INO80: variants seen among roughly 807,000 people sequenced by gnomAD.
INO80 encodes the protein INO80 complex ATPase subunit.
In INO80, 20 loss-of-function variants were observed where a neutral mutation model predicts 203.4. That is an observed-to-expected ratio of 0.10 (90% CI 0.07 to 0.14). INO80 has a LOEUF of 0.14. INO80 is among the 10% of genes least tolerant of loss of function. INO80 has a pLI of 1.00. For synonymous variants in INO80, 726 were observed against 685.2 expected, an observed-to-expected ratio of 1.06 and a Z score of -0.93; for missense variants, 1,419 against 1,914.4, an observed-to-expected ratio of 0.74 and a Z score of 4.83.
chr15:41,086,759 G>A (rs751136857), intron 6 of INO80, among the ~76,000 whole-genome samples: 1 of 152,074 alleles, frequency 6.6e-6, no homozygotes, highest in African/African-American at 2.4e-5. Context: ...GCTGCTGAGA[G>A]CTCAGTAAGA....
chr15:41,107,717 T>C (rs1279508508), intron 1 of INO80, among the ~76,000 whole-genome samples: 3 of 152,208 alleles, frequency 2.0e-5, no homozygotes, highest in East Asian at 1.9e-4. Flanking sequence ...GGAGAATTGC[T>C]TGAGCCTGGG....
At chr15:41,000,653 C>A (rs1297653093) in intron 28 of INO80, among the ~76,000 whole-genome samples, 2 of 137,032 alleles carry the variant, frequency 1.5e-5, no homozygotes, top group African/African-American at 5.5e-5. Flanking sequence ...TCTAATTGCT[C>A]TACTGTGTTC....
At chr15:41,045,530 C>T (rs764030806) in intron 23 of INO80, among the ~76,000 whole-genome samples, 3 of 145,022 alleles carry the variant, frequency 2.1e-5, no homozygotes, top group Non-Finnish European at 4.5e-5. Flanking sequence ...TGCAGTGAGC[C>T]GAGATTGCCC....
chr15:41,081,322 GT>G (rs1174174319), intron 7 of INO80, among the ~76,000 whole-genome samples: 10 of 152,198 alleles, frequency 6.6e-5, no homozygotes, highest in Admixed American at 6.5e-4. Flanking sequence ...TTGGGAAGAT[GT>G]TAAGTTACAT....
chr15:40,982,815 C>A (rs1311824740), intron 35 of INO80, 47 bp downstream of exon 35: 4 of 1,459,670 alleles, frequency 2.7e-6, no homozygotes, highest in Non-Finnish European at 3.8e-6. Context: ...AATTTCTAGA[C>A]TGTCTCTGAC....
chr15:41,048,195 A>G lies in INO80; in HGVS notation c.2641+17T>C, dbSNP rs1443591373. 1.9e-6 allele frequency: 3 copies of G among 1,600,024 alleles called. No individual in the cohort carries two copies. Among genetic ancestry groups the G allele is most frequent in the Non-Finnish European group, 2.6e-6 (3 of 1,168,914 alleles). ...AAACCCTGACAAACCTACTTTCCCAAAGATCAAAACACCTACCTTTTCTGT... is the reference window on the plus strand; with the variant it reads ...AAACCCTGACAAACCTACTTTCCCAGAGATCAAAACACCTACCTTTTCTGT... On this transcript the variant is annotated intron_variant, in intron 22 of 35. Transcript: ENST00000648947.
intron 24 of INO80, among the ~76,000 whole-genome samples, chr15:41,036,423 G>A (rs1302391078): frequency 6.6e-6 from 1 of 152,070 alleles, no homozygotes; most frequent in Non-Finnish European, 1.5e-5. Flanking sequence ...CTAGTTCTCA[G>A]ATCAAATGCA....
intron 1 of INO80, among the ~76,000 whole-genome samples, chr15:41,100,540 G>A (rs1444464681): frequency 6.6e-6 from 1 of 152,118 alleles, no homozygotes; most frequent in Non-Finnish European, 1.5e-5. Context: ...ATTCATCCCA[G>A]AAATCATCTT....
At chr15:41,005,985 C>T (rs896227648) in intron 27 of INO80, among the ~76,000 whole-genome samples, 3 of 147,470 alleles carry the variant, frequency 2.0e-5, no homozygotes, top group Admixed American at 6.8e-5. Flanking sequence ...AAAAATTCCA[C>T]AAACCAAAAT....
intron 27 of INO80, among the ~76,000 whole-genome samples, chr15:41,009,805 G>A (rs1332320268): frequency 1.3e-5 from 2 of 151,912 alleles, no homozygotes; most frequent in African/African-American, 4.8e-5. Context: ...TTGCTATGTT[G>A]TCCAGGCTGG....
rs1217765001 is a variant in INO80 at position 41,038,083 on chromosome 15, C to T, written c.2907+6821G>A. ...AGGCTGGAGTGCAGTGGCATGATCT[C>T]AGCTCACTGCAACCTTCGTCTCCCG... On this transcript the variant is annotated intron_variant, in intron 24 of 35. Coordinates refer to ENST00000648947, the MANE Select transcript of INO80 (RefSeq NM_017553.3). 1.9e-4 allele frequency among the ~76,000 whole-genome samples: 24 copies of T among 126,100 alleles called. No individual in the cohort carries two copies. In the Admixed American group the frequency reaches 2.3e-3, roughly 12 times the overall value. The allele number at this position is 126,100 out of a possible 152,430, so 82.7% of individuals were successfully genotyped here.
At chr15:41,061,113 C>T (rs1000960240) in intron 14 of INO80, among the ~76,000 whole-genome samples, 8 of 152,042 alleles carry the variant, frequency 5.3e-5, no homozygotes, top group African/African-American at 1.7e-4. Context: ...TTCAGACCAG[C>T]CTGGGCAACA....
chr15:40,990,127 C>T (rs111278539), intron 29 of INO80, among the ~76,000 whole-genome samples: 4 of 151,948 alleles, frequency 2.6e-5, no homozygotes, highest in Admixed American at 6.6e-5. Flanking sequence ...AAAAAAAAAT[C>T]CTATGTCTAT....
chr15:41,051,915 G>A (rs900091981), intron 19 of INO80, among the ~76,000 whole-genome samples: 3 of 151,986 alleles, frequency 2.0e-5, no homozygotes, highest in Non-Finnish European at 4.4e-5. Flanking sequence ...CTGAGATCGC[G>A]CCACTGCACT....
chr15:41,085,571 T>C lies in INO80; in HGVS notation c.671A>G (p.Lys224Arg), dbSNP rs1484554335. 1 of 1,613,862 alleles carries C rather than the reference T, an allele frequency of 6.2e-7. No homozygotes were observed. The highest frequency in any genetic ancestry group is 1.1e-5 in the South Asian group (1 of 91,068). Reference protein sequence around the residue: ...EEKKLKAKLKKVKKKRRRDEE... With the variant: ...EEKKLKAKLKRVKKKRRRDEE... Reference sequence around the variant, plus strand: ...ATCTCTTCGTCTTTTTTTCTTCACTTTTTTCAACTTAGCTGCAAAAGAAAC... The same window carrying C: ...ATCTCTTCGTCTTTTTTTCTTCACTCTTTTCAACTTAGCTGCAAAAGAAAC... Residue 224 changes from lysine (K) to arginine (R), a missense_variant, in exon 7 of 36, where the codon AAA becomes AGA. Lys to Arg is a conservative substitution (Grantham distance 26). Coordinates refer to ENST00000648947, the MANE Select transcript of INO80 (RefSeq NM_017553.3).
chr15:41,113,942 C>G (rs1033252173), intron 1 of INO80, among the ~76,000 whole-genome samples: 23 of 152,146 alleles, frequency 1.5e-4, no homozygotes, highest in African/African-American at 5.6e-4. Context: ...GAAAAGAACA[C>G]AGTAAGCTAA....
intron 24 of INO80, among the ~76,000 whole-genome samples, chr15:41,043,879 G>A (rs1276075978): frequency 1.3e-5 from 2 of 152,028 alleles, no homozygotes; most frequent in Non-Finnish European, 2.9e-5. Flanking sequence ...CTACTATTCT[G>A]TAAGGGCCAA....
In INO80 at chr15:40,987,903, C is replaced by T. The variant is rs372261199; in HGVS notation, c.3642G>A (p.Gly1214=). 6.2e-7 allele frequency: 1 copy of T among 1,613,912 alleles called. No individual in the cohort carries two copies. The highest frequency in any genetic ancestry group is 8.5e-7 in the Non-Finnish European group (1 of 1,179,822). The change falls in exon 30 of 36, where the codon GGG becomes GGA. Residue 1214 remains glycine (G), a synonymous_variant. Transcript: ENST00000648947. ...QQAMDRAHRL[G]QTKQVTVYRL... The stretch of plus-strand genomic sequence containing the variant: ...GGTACACAGTAACCTGCTTTGTCTG[C>T]CCTAAGCGGTGGGCCCTGTCCATGG...
intron 28 of INO80, among the ~76,000 whole-genome samples, chr15:41,001,851 A>G (rs1175050629): frequency 6.6e-6 from 1 of 152,060 alleles, no homozygotes; most frequent in Non-Finnish European, 1.5e-5. Flanking sequence ...TGAAACTGCA[A>G]TTTTTTCTTT....
Sources: gnomAD v4.1 joint callset for allele counts (sites outside exome capture counted in the v4.1 genomes callset) on GRCh38, gnomAD v4.1.1 for gene constraint, MANE v1.5 for transcripts, NCBI Gene and HGNC (gene_info 2026-07-23, HGNC 2026-07-21) for gene names.